CCSER1: variants seen among roughly 807,000 people sequenced by gnomAD.
CCSER1 encodes the protein coiled-coil serine rich protein 1.
CCSER1 carries 41 observed loss-of-function variants against 82.0 expected under a neutral mutation model. The ratio of observed to expected loss-of-function variants is 0.50; its 90% CI spans 0.39 to 0.65. The LOEUF (loss-of-function observed/expected upper bound fraction) is 0.65. CCSER1 is among the 30% of genes least tolerant of loss of function. The pLI, the probability that CCSER1 is intolerant of heterozygous loss-of-function variation, is 0.00. For synonymous variants in CCSER1, 414 were observed against 383.9 expected (o/e 1.08, Z -0.92); for missense variants, 1,119 against 1,064.2 (o/e 1.05, Z -0.72).
chr4:90,391,483 T>TATATAC lies in CCSER1; in HGVS notation c.1510-8550_1510-8549insTACATA, dbSNP rs1554021253. Among the ~76,000 whole-genome samples the TATATAC allele has an allele frequency of 3.9e-3, 333 of 84,884 alleles. 5 individuals are homozygous for TATATAC. Among genetic ancestry groups the TATATAC allele is most frequent in the Non-Finnish European group, 6.0e-3 (297 of 49,172 alleles). 55.7% of individuals were successfully genotyped at this position (84,884 alleles called of 152,430 possible). A position where few individuals can be genotyped will look rare whatever the true frequency, so the allele number is the denominator to read the frequency against. Reference sequence around the variant, plus strand: ...ATATATATATATATATATATATATATATACACACACACAGTGGGTAAATAT... The same window carrying TATATAC: ...ATATATATATATATATATATATATATATATACATACACACACACAGTGGGTAAATAT... On this transcript the variant is annotated intron_variant, in intron 3 of 10. Transcript: ENST00000509176.
intron 8 of CCSER1, among the ~76,000 whole-genome samples, chr4:90,856,230 G>T (rs189910742): frequency 2.0e-5 from 3 of 151,898 alleles, no homozygotes; most frequent in Admixed American, 6.6e-5. Flanking sequence ...TAGCTTCCTT[G>T]TTCTGTTTTG....
At chr4:91,453,524 C>T (rs999898228) in intron 10 of CCSER1, among the ~76,000 whole-genome samples, 1 of 151,934 alleles carries the variant, frequency 6.6e-6, no homozygotes, top group Admixed American at 6.6e-5. Flanking sequence ...ATTTAAATGT[C>T]TTGCCACCTC....
intron 7 of CCSER1, among the ~76,000 whole-genome samples, chr4:90,795,306 G>A (rs58442531): frequency 0.35 from 51,658 of 148,534 alleles, 9,372 homozygotes; most frequent in African/African-American, 0.46. Context: ...AAAAAAAAAG[G>A]AAACAAAGAA....
At chr4:91,139,833 T>C (rs1415020385) in intron 10 of CCSER1, among the ~76,000 whole-genome samples, 4 of 152,184 alleles carry the variant, frequency 2.6e-5, no homozygotes. Context: ...TGAAAACCTT[T>C]TGTATAGATA....
chr4:90,650,259 G>T (rs1314846276), intron 6 of CCSER1, among the ~76,000 whole-genome samples: 1 of 151,824 alleles, frequency 6.6e-6, no homozygotes, highest in Non-Finnish European at 1.5e-5. Context: ...AAAAGAAAGG[G>T]TCAAGAAAGT....
chr4:90,370,822 G>T (rs546654835), intron 3 of CCSER1, among the ~76,000 whole-genome samples: 4 of 151,998 alleles, frequency 2.6e-5, no homozygotes, highest in Non-Finnish European at 5.9e-5. Flanking sequence ...GTTTTTTATT[G>T]TTATTTTTAT....
chr4:90,979,298 T>C (rs1486535940), intron 9 of CCSER1, among the ~76,000 whole-genome samples: 1 of 151,670 alleles, frequency 6.6e-6, no homozygotes, highest in Non-Finnish European at 1.5e-5. Context: ...TCATCAAAGA[T>C]ATGATGAATA....
chr4:90,700,652 T>A (rs1737885991), intron 6 of CCSER1, among the ~76,000 whole-genome samples: 1 of 152,174 alleles, frequency 6.6e-6, no homozygotes. Context: ...CAGCACCTGT[T>A]GTTTCCTGAC....
intron 7 of CCSER1, among the ~76,000 whole-genome samples, chr4:90,752,078 C>T (rs1247629664): frequency 1.3e-5 from 2 of 152,082 alleles, no homozygotes; most frequent in East Asian, 1.9e-4. Context: ...ATTTATTGAG[C>T]ACTTCCAATG....
chr4:90,979,747 G>A lies in CCSER1; in HGVS notation c.2172+56300G>A, dbSNP rs189140213. Among the ~76,000 whole-genome samples, 5 of 151,892 alleles carry A rather than the reference G, an allele frequency of 3.3e-5. 1 individual carries two copies. Among genetic ancestry groups the A allele is most frequent in the African/African-American group, 1.2e-4 (5 of 41,484 alleles). Reference sequence around the variant, plus strand: ...CCATTGGAGCCTCTATTTGTCTGGTGATTAATCGACCGCGATGAATAGAGC... The same window carrying A: ...CCATTGGAGCCTCTATTTGTCTGGTAATTAATCGACCGCGATGAATAGAGC... On this transcript the variant is annotated intron_variant, in intron 9 of 10. Coordinates refer to ENST00000509176, the MANE Select transcript of CCSER1 (RefSeq NM_001145065.2).
At chr4:91,375,149 T>C (rs555085052) in intron 10 of CCSER1, among the ~76,000 whole-genome samples, 4 of 152,206 alleles carry the variant, frequency 2.6e-5, no homozygotes, top group Admixed American at 6.5e-5. Context: ...GAGGTATAAA[T>C]ATCAACATTA....
At chr4:90,450,157 C>A (rs1409970029) in intron 4 of CCSER1, among the ~76,000 whole-genome samples, 1 of 152,128 alleles carries the variant, frequency 6.6e-6, no homozygotes, top group East Asian at 1.9e-4. Flanking sequence ...TGTAAGGGTC[C>A]CTGGTAGAAA....
intron 10 of CCSER1, among the ~76,000 whole-genome samples, chr4:91,468,465 C>A (rs986016691): frequency 6.6e-6 from 1 of 151,392 alleles, no homozygotes; most frequent in African/African-American, 2.4e-5. Flanking sequence ...AATAAGCCTG[C>A]ACTTTGTGCA....
chr4:91,023,252 A>G (rs1035366691), intron 9 of CCSER1, among the ~76,000 whole-genome samples: 3 of 152,180 alleles, frequency 2.0e-5, no homozygotes, highest in African/African-American at 7.2e-5. Flanking sequence ...TATAGATTCA[A>G]TGCCATCCCC....
chr4:91,236,816 G>A (rs1739045404), intron 10 of CCSER1, among the ~76,000 whole-genome samples: 1 of 152,094 alleles, frequency 6.6e-6, no homozygotes, highest in Non-Finnish European at 1.5e-5. Context: ...AGTAGACATT[G>A]GGAAGGTTTT....
chr4:90,611,537 A>G (rs938813676), intron 5 of CCSER1, among the ~76,000 whole-genome samples: 4 of 151,224 alleles, frequency 2.6e-5, no homozygotes, highest in African/African-American at 7.3e-5. Context: ...GCTACCTGGT[A>G]TTTAAAAACT....
intron 10 of CCSER1, among the ~76,000 whole-genome samples, chr4:91,456,663 A>G (rs1756193687): frequency 6.6e-6 from 1 of 152,066 alleles, no homozygotes; most frequent in African/African-American, 2.4e-5. Flanking sequence ...TACTTATTCC[A>G]AGTCAAACAA....
At chr4:91,536,266 A>T (rs549320982) in intron 10 of CCSER1, among the ~76,000 whole-genome samples, 2 of 152,134 alleles carry the variant, frequency 1.3e-5, no homozygotes, top group Non-Finnish European at 1.5e-5. Context: ...GAATACAAGA[A>T]ATATTTATTG....
intron 3 of CCSER1, among the ~76,000 whole-genome samples, chr4:90,321,414 A>C (rs559058632): frequency 2.2e-4 from 34 of 152,298 alleles, no homozygotes; most frequent in Admixed American, 4.6e-4. Context: ...TTATGGCTGA[A>C]TAATATTCTA....
Sources: gnomAD v4.1 joint callset for allele counts (sites outside exome capture counted in the v4.1 genomes callset) on GRCh38, gnomAD v4.1.1 for gene constraint, MANE v1.5 for transcripts, NCBI Gene and HGNC (gene_info 2026-07-23, HGNC 2026-07-21) for gene names.